The following CASD1 variants were observed in gnomAD, a reference collection of about 807,000 sequenced individuals.
The protein encoded by CASD1 is CAS1 domain sialic acid O acetyltransferase 1.
In CASD1, 41 loss-of-function variants were observed where a neutral mutation model predicts 100.0. The ratio of observed to expected loss-of-function variants is 0.41; its 90% CI spans 0.32 to 0.53. The LOEUF is 0.53. Ranked by LOEUF, CASD1 falls within the 20% of genes least tolerant of loss-of-function variation. CASD1 has a pLI of 0.25. For synonymous variants in CASD1, 321 were observed against 315.6 expected, an observed-to-expected ratio of 1.02 and a Z score of -0.18; for missense variants, 774 against 948.7, an observed-to-expected ratio of 0.82 and a Z score of 2.42.
the CASD1 span, chr7:94,623,262 G>A: frequency 3.9e-6 from 4 of 1,012,860 alleles, no homozygotes; most frequent in South Asian, 5.7e-5. Flanking sequence ...ATTTTATGTA[G>A]TTATAAAACA....
chr7:94,588,471 T>A, the CASD1 span: 1 of 1,366,396 alleles, frequency 7.3e-7, no homozygotes, highest in South Asian at 1.6e-5. Flanking sequence ...CATGGATGCT[T>A]TTGCTCTAAG....
At chr7:94,562,626 C>CT in the CASD1 span, among the ~76,000 whole-genome samples, 13,425 of 149,518 alleles carry the variant, frequency 0.09, 679 homozygotes, top group East Asian at 0.16. Flanking sequence ...ATACAGTTTC[C>CT]TTTTTTTTTT....
chr7:94,600,912 A>T, the CASD1 span: 1 of 1,412,396 alleles, frequency 7.1e-7, no homozygotes, highest in South Asian at 1.2e-5. Flanking sequence ...ACATTATGAG[A>T]TTTTAAGATC....
At position 94,554,653 on chromosome 7, in the gene CASD1, A is replaced by G. The variant is rs531331234; in HGVS notation, c.2127+78A>G. 2.0e-5 allele frequency: 17 copies of G among 845,950 alleles called. No homozygotes were observed. The East Asian group carries it at 3.2e-4, about 16-fold the overall frequency. 52.4% of individuals were successfully genotyped at this position (845,950 alleles called of 1,614,324 possible). ...TGTATGTACGTGTGTGTGTGTAAAT[A>G]TCACACATATATGTGAGTATGAAAA... On this transcript the variant is annotated intron_variant, in intron 17 of 17. Transcript: ENST00000297273.
At chr7:94,586,347 A>AT in the CASD1 span, among the ~76,000 whole-genome samples, 1 of 152,222 alleles carries the variant, frequency 6.6e-6, no homozygotes, top group Non-Finnish European at 1.5e-5. Flanking sequence ...AAAAATATAT[A>AT]AACAGCACTA....
chr7:94,595,024 ACTAT>A, the CASD1 span, among the ~76,000 whole-genome samples: 1 of 152,108 alleles, frequency 6.6e-6, no homozygotes, highest in Non-Finnish European at 1.5e-5. Context: ...AATGACCGAC[ACTAT>A]CTATCCCTGC....
the CASD1 span, chr7:94,625,982 A>T: frequency 6.6e-6 from 1 of 152,034 alleles, no homozygotes; most frequent in Admixed American, 6.6e-5. Context: ...CTGCTTTCCA[A>T]AGTAGTGATG....
chr7:94,576,725 C>T, the CASD1 span, among the ~76,000 whole-genome samples: 1 of 152,192 alleles, frequency 6.6e-6, no homozygotes, highest in Admixed American at 6.5e-5. Flanking sequence ...TTAAGGACAT[C>T]CCTATGTGAC....
the CASD1 span, chr7:94,619,232 A>C: frequency 6.8e-6 from 2 of 295,390 alleles, no homozygotes; most frequent in Non-Finnish European, 1.3e-5. Flanking sequence ...AAAACAACTA[A>C]GAAAAGCTAA....
intron 5 of CASD1, among the ~76,000 whole-genome samples, chr7:94,532,643 A>G (rs748017055): frequency 3.9e-5 from 6 of 152,194 alleles, no homozygotes; most frequent in Non-Finnish European, 5.9e-5. Context: ...CTGAAACCAT[A>G]TATAATGGGG....
At chr7:94,595,864 T>C in the CASD1 span, among the ~76,000 whole-genome samples, 3 of 152,020 alleles carry the variant, frequency 2.0e-5, no homozygotes, top group African/African-American at 7.2e-5. Context: ...TTTCTAAGAA[T>C]AAAAGAAAGA....
chr7:94,553,718 C>G (rs1288985342), intron 16 of CASD1: 1 of 151,800 alleles, frequency 6.6e-6, no homozygotes, highest in Admixed American at 6.6e-5. Context: ...GGATGTGAGA[C>G]AATGATTAAC....
the CASD1 span, chr7:94,587,942 C>A: frequency 3.5e-4 from 499 of 1,424,906 alleles, 5 homozygotes; most frequent in East Asian, 0.013. Flanking sequence ...GCTATTCATA[C>A]TCAGAATTCC....
chr7:94,574,698 T>A, the CASD1 span, among the ~76,000 whole-genome samples: 26 of 150,876 alleles, frequency 1.7e-4, 1 homozygote, highest in South Asian at 1.5e-3. Flanking sequence ...GAGCCGGGTG[T>A]GGTGGCTCAT....
Position 94,551,385 on chromosome 7 carries a change from G to A in CASD1, c.1863G>A (p.Gln621=), listed in dbSNP as rs1795937292. ...TTGCTTTTATTTATCTGGCTTTGCA[G>A]AAGCGTCAAATACTTTCTGAAGGAA... ...MLFAFIYLAL[Q]KRQILSEGKG... is the part of the protein sequence containing the mutation. Residue 621 remains glutamine, a synonymous_variant, in exon 15 of 18, where the codon CAG becomes CAA. Transcript: ENST00000297273. 1.3e-6 allele frequency: 2 copies of A among 1,557,422 alleles called. No homozygotes were observed. The highest frequency in any genetic ancestry group is 1.7e-6 in the Non-Finnish European group (2 of 1,159,830).
Position 94,552,357 on chromosome 7 carries a change from C to T in CASD1, c.1964C>T (p.Ser655Phe). ...ATACATTTTTTGTTTTAGACCTATT[C>T]CATCTGGGCTAGCAGTTGTAAAAAC... ...FISVVSFLTY[S>F]IWASSCKNKA... The change falls in exon 16 of 18, where the codon TCC becomes TTC. Residue 655 changes from serine (S) to phenylalanine (F), a missense_variant. Coordinates refer to ENST00000297273, the MANE Select transcript of CASD1 (RefSeq NM_022900.5). The T allele has an allele frequency of 1.2e-6, 2 of 1,610,148 alleles. No individual in the cohort carries two copies. Among genetic ancestry groups the T allele is most frequent in the Non-Finnish European group, 1.7e-6 (2 of 1,178,304 alleles).
chr7:94,593,864 C>G, the CASD1 span, among the ~76,000 whole-genome samples: 4 of 152,188 alleles, frequency 2.6e-5, no homozygotes, highest in South Asian at 8.3e-4. Flanking sequence ...TCTGGATTTT[C>G]CAATCCTGAA....
chr7:94,533,611 G>T, intron 6 of CASD1, 68 bp from the exon 7 acceptor site: 2 of 1,181,702 alleles, frequency 1.7e-6, no homozygotes, highest in South Asian at 1.9e-5. Context: ...TGTTACAGTA[G>T]GTAAATTATA....
the CASD1 span, chr7:94,623,650 G>T: frequency 2.1e-6 from 1 of 485,356 alleles, no homozygotes; most frequent in East Asian, 3.1e-5. Context: ...TTCATAGAAG[G>T]CCATTAAGCA....
Sources: gnomAD v4.1 joint callset for allele counts (sites outside exome capture counted in the v4.1 genomes callset) on GRCh38, gnomAD v4.1.1 for gene constraint, MANE v1.5 for transcripts, NCBI Gene and HGNC (gene_info 2026-07-23, HGNC 2026-07-21) for gene names.